The following XKR9 variants were observed in gnomAD, a reference collection of about 807,000 sequenced individuals.
XKR9 encodes the protein XK related 9.
Under a neutral mutation model 32.0 loss-of-function variants are expected in XKR9, and 32 were observed. The ratio of observed to expected loss-of-function variants is 1.00; its 90% CI spans 0.76 to 1.34. The LOEUF is 1.34. Among genes scored for constraint, XKR9 ranks in the 40% most tolerant of loss-of-function variants. XKR9 has a pLI of 0.00. For missense variants in XKR9, 546 were observed against 429.7 expected, an observed-to-expected ratio of 1.27 and a Z score of -2.39; for synonymous variants, 168 against 143.4, an observed-to-expected ratio of 1.17 and a Z score of -1.22.
At chr8:70,967,479 G>A in the XKR9 span, among the ~76,000 whole-genome samples, 1 of 152,260 alleles carries the variant, frequency 6.6e-6, no homozygotes, top group South Asian at 2.1e-4. Flanking sequence ...CTGTCATGAT[G>A]ATATTAGCTG....
intron 2 of XKR9, chr8:70,789,204 A>G (rs1214196632): frequency 6.6e-6 from 1 of 152,090 alleles, no homozygotes; most frequent in Non-Finnish European, 1.5e-5. Flanking sequence ...TATAGTAAGT[A>G]TAAGAAAAAG....
intron 3 of XKR9, among the ~76,000 whole-genome samples, chr8:70,685,486 A>G (rs1819235648): frequency 8.8e-6 from 1 of 114,146 alleles, no homozygotes; most frequent in Non-Finnish European, 2.1e-5. Flanking sequence ...CGTAAAACTT[A>G]AAGTATAATA....
At chr8:70,904,604 C>G in the XKR9 span, among the ~76,000 whole-genome samples, 2 of 152,088 alleles carry the variant, frequency 1.3e-5, no homozygotes, top group African/African-American at 4.8e-5. Flanking sequence ...TTAATTGGAG[C>G]ATTTAGTCCA....
chr8:70,669,664 ATT>A (rs11335556), intron 1 of XKR9, 126 bp downstream of exon 1: 1,562 of 84,384 alleles, frequency 0.019, 34 homozygotes, highest in Admixed American at 0.083. Context: ...TAGCCTGTTC[ATT>A]TTTTTTTTTT....
chr8:71,065,488 A>G, the XKR9 span, among the ~76,000 whole-genome samples: 1 of 152,218 alleles, frequency 6.6e-6, no homozygotes, highest in African/African-American at 2.4e-5. Context: ...GAAAATTAAC[A>G]TGTGTTGTTT....
At chr8:70,693,161 C>T (rs1043967778) in intron 3 of XKR9, among the ~76,000 whole-genome samples, 11 of 152,324 alleles carry the variant, frequency 7.2e-5, no homozygotes, top group South Asian at 2.1e-4. Context: ...GGCTATTTCT[C>T]ATCTCTGCAT....
chr8:71,016,104 A>G, the XKR9 span, among the ~76,000 whole-genome samples: 1 of 152,004 alleles, frequency 6.6e-6, no homozygotes, highest in Non-Finnish European at 1.5e-5. Context: ...AAATTTGTAT[A>G]GGAGATATGT....
At chr8:70,989,360 G>C in the XKR9 span, among the ~76,000 whole-genome samples, 7 of 152,328 alleles carry the variant, frequency 4.6e-5, no homozygotes, top group South Asian at 1.0e-3. Flanking sequence ...CTTTGTAAAT[G>C]ATAAGGAATG....
chr8:70,838,203 A>G, the XKR9 span, among the ~76,000 whole-genome samples: 28 of 152,244 alleles, frequency 1.8e-4, no homozygotes, highest in Middle Eastern at 0.01. Flanking sequence ...AGTCCTTACT[A>G]TGCACCATAT....
At chr8:70,706,864 TTA>T in intron 3 of XKR9, 67 bp from the exon 4 acceptor site, 3 of 1,265,294 alleles carry the variant, frequency 2.4e-6, no homozygotes, top group Non-Finnish European at 3.3e-6. Flanking sequence ...TTCCAAATTA[TTA>T]TGTGTATTAA....
At chr8:71,059,193 T>C in the XKR9 span, among the ~76,000 whole-genome samples, 3 of 152,372 alleles carry the variant, frequency 2.0e-5, no homozygotes, top group South Asian at 6.2e-4. Context: ...AAACAAAACC[T>C]TGGAGTGTCA....
chr8:70,890,192 A>G, the XKR9 span, among the ~76,000 whole-genome samples: 1 of 151,850 alleles, frequency 6.6e-6, no homozygotes, highest in East Asian at 1.9e-4. Flanking sequence ...ACATTTTTTC[A>G]TATGTTTGTT....
chr8:70,894,865 C>G, the XKR9 span, among the ~76,000 whole-genome samples: 2 of 151,904 alleles, frequency 1.3e-5, no homozygotes, highest in Non-Finnish European at 2.9e-5. Flanking sequence ...GGACACCAGC[C>G]TGGGGTGGTT....
the XKR9 span, among the ~76,000 whole-genome samples, chr8:70,976,115 T>A: frequency 6.6e-6 from 1 of 152,240 alleles, no homozygotes; most frequent in Non-Finnish European, 1.5e-5. Flanking sequence ...TTTGCTGAAG[T>A]TGCTTATCAG....
At chr8:70,691,262 G>T (rs965130348) in intron 3 of XKR9, among the ~76,000 whole-genome samples, 3 of 152,124 alleles carry the variant, frequency 2.0e-5, no homozygotes, top group African/African-American at 7.2e-5. Flanking sequence ...GGGGTTGCTT[G>T]TTTTTCTCTT....
chr8:71,032,043 C>T, the XKR9 span, among the ~76,000 whole-genome samples: 1 of 152,070 alleles, frequency 6.6e-6, no homozygotes, highest in Non-Finnish European at 1.5e-5. Flanking sequence ...GCCTGTAATC[C>T]CACACTTTGG....
At chr8:70,782,577 A>G (rs1042271749) in intron 2 of XKR9, among the ~76,000 whole-genome samples, 1 of 151,730 alleles carries the variant, frequency 6.6e-6, no homozygotes, top group Non-Finnish European at 1.5e-5. Context: ...TAATCTTCCC[A>G]TCTCTCCCAA....
the XKR9 span, among the ~76,000 whole-genome samples, chr8:70,914,718 A>G: frequency 6.6e-6 from 1 of 152,170 alleles, no homozygotes; most frequent in Non-Finnish European, 1.5e-5. Flanking sequence ...AGAAGTCCTT[A>G]ATTTTAATTA....
chr8:71,024,060 C>A, the XKR9 span, among the ~76,000 whole-genome samples: 1 of 152,182 alleles, frequency 6.6e-6, no homozygotes, highest in African/African-American at 2.4e-5. Flanking sequence ...CCAGGCCAGG[C>A]AGGCCTATCC....
Sources: gnomAD v4.1 joint callset for allele counts (sites outside exome capture counted in the v4.1 genomes callset) on GRCh38, gnomAD v4.1.1 for gene constraint, MANE v1.5 for transcripts, NCBI Gene and HGNC (gene_info 2026-07-23, HGNC 2026-07-21) for gene names.